Variants in PLPPR1 observed in about 807,000 individuals in gnomAD.
The protein encoded by PLPPR1 is phospholipid phosphatase-related protein type 1.
Under a neutral mutation model 33.1 loss-of-function variants are expected in PLPPR1, and 10 were observed. That is an observed-to-expected ratio of 0.30 (90% CI 0.19 to 0.51). PLPPR1 has a LOEUF of 0.51. Among genes scored for constraint, PLPPR1 ranks in the 20% least tolerant of loss-of-function variants. The pLI, the probability that PLPPR1 is intolerant of heterozygous loss-of-function variation, is 0.97. For missense variants in PLPPR1, 304 were observed against 408.1 expected, an observed-to-expected ratio of 0.74 and a Z score of 2.20; for synonymous variants, 151 against 151.0, an observed-to-expected ratio of 1.00 and a Z score of 0.00.
At chr9:101,188,463 C>G (rs187959964) in intron 2 of PLPPR1, among the ~76,000 whole-genome samples, 1 of 151,954 alleles carries the variant, frequency 6.6e-6, no homozygotes, top group East Asian at 1.9e-4. Flanking sequence ...AGATTTATTT[C>G]TTCTTTTCCA....
At chr9:101,141,335 A>C (rs74674656) in intron 1 of PLPPR1, among the ~76,000 whole-genome samples, 1,567 of 152,304 alleles carry the variant, frequency 0.01, 10 homozygotes, top group Middle Eastern at 0.02. Flanking sequence ...TAATTTATTG[A>C]GCATCCTCGT....
intron 1 of PLPPR1, among the ~76,000 whole-genome samples, chr9:101,068,047 A>T (rs536416213): frequency 3.3e-4 from 51 of 152,264 alleles, no homozygotes; most frequent in Non-Finnish European, 5.7e-4. Context: ...AGTACACATT[A>T]GCCCACAAAA....
intron 2 of PLPPR1, among the ~76,000 whole-genome samples, chr9:101,246,083 T>G (rs377744794): frequency 0.15 from 14,769 of 96,890 alleles, 1,688 homozygotes; most frequent in African/African-American, 0.24. Flanking sequence ...TATATATATA[T>G]ATATATATAT....
intron 2 of PLPPR1, among the ~76,000 whole-genome samples, chr9:101,264,873 A>G (rs941955633): frequency 9.9e-5 from 15 of 152,176 alleles, no homozygotes; most frequent in African/African-American, 3.6e-4. Context: ...ATCACCTAGC[A>G]CTAGGATGCC....
At chr9:101,157,017 G>A (rs12349630) in intron 1 of PLPPR1, among the ~76,000 whole-genome samples, 340 of 152,204 alleles carry the variant, frequency 2.2e-3, no homozygotes, top group African/African-American at 7.7e-3. Context: ...TATTGAGGAA[G>A]GATTAATGGG....
intron 1 of PLPPR1, among the ~76,000 whole-genome samples, chr9:101,075,304 A>G (rs1830522983): frequency 6.6e-6 from 1 of 152,150 alleles, no homozygotes; most frequent in Admixed American, 6.6e-5. Context: ...AATATGTTTG[A>G]TTTGTTCACC....
chr9:101,126,365 T>C (rs1479313684), intron 1 of PLPPR1, among the ~76,000 whole-genome samples: 2 of 152,186 alleles, frequency 1.3e-5, no homozygotes, highest in South Asian at 2.1e-4. Context: ...ATAGACCAAC[T>C]GTTCCTGAGG....
At chr9:101,192,739 AG>A (rs1234591371) in intron 2 of PLPPR1, among the ~76,000 whole-genome samples, 1 of 152,208 alleles carries the variant, frequency 6.6e-6, no homozygotes, top group East Asian at 1.9e-4. Flanking sequence ...TTTAATCCCT[AG>A]AAATGTGACA....
chr9:101,223,864 TAC>T (rs1383284347), intron 2 of PLPPR1, among the ~76,000 whole-genome samples: 1 of 152,174 alleles, frequency 6.6e-6, no homozygotes, highest in Non-Finnish European at 1.5e-5. Flanking sequence ...ATATATGAAG[TAC>T]ATATATACAT....
intron 1 of PLPPR1, among the ~76,000 whole-genome samples, chr9:101,095,688 C>T (rs759052993): frequency 6.6e-6 from 1 of 152,078 alleles, no homozygotes; most frequent in East Asian, 1.9e-4. Flanking sequence ...CTCAAGGTCA[C>T]AGAGTAAGTG....
At chr9:101,275,496 A>G (rs1462961073) in intron 3 of PLPPR1, among the ~76,000 whole-genome samples, 4 of 152,238 alleles carry the variant, frequency 2.6e-5, no homozygotes, top group East Asian at 1.9e-4. Context: ...AGGTTAGAGC[A>G]TGGGGGATTT....
chr9:101,317,035 A>G (rs114622563), intron 6 of PLPPR1, among the ~76,000 whole-genome samples: 5,502 of 152,272 alleles, frequency 0.036, 344 homozygotes, highest in African/African-American at 0.12. Flanking sequence ...CGTGCCAGAC[A>G]CATAGTGGCC....
intron 1 of PLPPR1, among the ~76,000 whole-genome samples, chr9:101,146,821 T>A (rs1831526886): frequency 6.6e-6 from 1 of 152,212 alleles, no homozygotes; most frequent in Non-Finnish European, 1.5e-5. Flanking sequence ...GACATTAGAA[T>A]GTGAAAAATA....
chr9:101,077,754 C>A (rs73493819), intron 1 of PLPPR1, among the ~76,000 whole-genome samples: 8,920 of 151,966 alleles, frequency 0.059, 677 homozygotes, highest in East Asian at 0.25. Flanking sequence ...CATCTAGGAA[C>A]CCCCTTATAT....
At position 101,199,208 on chromosome 9, in the gene PLPPR1, T is replaced by A. The variant is rs138518190; in HGVS notation, c.63+13651T>A. On this transcript the variant is annotated intron_variant, in intron 2 of 7. Transcript: ENST00000374874. ...GATAAAAATGTGAAAGGAACTCAGT[T>A]ATTGAAAAACTTCTGAATATAAGGG... is the stretch of plus-strand genomic sequence containing the variant. 4.0e-3 allele frequency among the ~76,000 whole-genome samples: 606 copies of A among 152,278 alleles called. 5 individuals are homozygous for A. The highest frequency in any genetic ancestry group is 0.014 in the African/African-American group (582 of 41,546).
chr9:101,121,762 G>C (rs1831180676), intron 1 of PLPPR1, among the ~76,000 whole-genome samples: 1 of 152,174 alleles, frequency 6.6e-6, no homozygotes, highest in Non-Finnish European at 1.5e-5. Flanking sequence ...CAGCTATGCT[G>C]TAAGAATTGT....
At chr9:101,080,277 C>T (rs1199221187) in intron 1 of PLPPR1, among the ~76,000 whole-genome samples, 2 of 152,144 alleles carry the variant, frequency 1.3e-5, no homozygotes, top group Non-Finnish European at 2.9e-5. Context: ...TGCAGTGGCT[C>T]ATGCCTGTAA....
At chr9:101,139,004 T>C (rs1831412980) in intron 1 of PLPPR1, among the ~76,000 whole-genome samples, 1 of 152,194 alleles carries the variant, frequency 6.6e-6, no homozygotes, top group Admixed American at 6.5e-5. Context: ...GTTTTTACCA[T>C]TAGAACTCAT....
intron 2 of PLPPR1, 52 bp from the exon 3 acceptor site, chr9:101,269,828 G>A: frequency 6.3e-7 from 1 of 1,576,264 alleles, no homozygotes; most frequent in Non-Finnish European, 8.7e-7. Flanking sequence ...GAGGGGCAAG[G>A]GCTGCTCCGA....
Sources: gnomAD v4.1 joint callset for allele counts (sites outside exome capture counted in the v4.1 genomes callset) on GRCh38, gnomAD v4.1.1 for gene constraint, MANE v1.5 for transcripts, NCBI Gene and HGNC (gene_info 2026-07-23, HGNC 2026-07-21) for gene names.